The following GRHL1 variants were observed in gnomAD, a reference collection of about 807,000 sequenced individuals.
GRHL1 encodes the protein grainyhead like transcription factor 1, also known as grainyhead-like protein 1 homolog.
GRHL1 carries 38 observed loss-of-function variants against 75.7 expected under a neutral mutation model. The ratio of observed to expected loss-of-function variants is 0.50; its 90% CI spans 0.39 to 0.66. The LOEUF is 0.66. Ranked by LOEUF, GRHL1 falls within the 30% of genes least tolerant of loss-of-function variation. The pLI is 0.00. For synonymous variants in GRHL1, 266 were observed against 279.4 expected (o/e 0.95, Z 0.48); for missense variants, 589 against 767.5 (o/e 0.77, Z 2.75).
At chr2:9,955,958 C>T (rs1171233726) in intron 2 of GRHL1, among the ~76,000 whole-genome samples, 1 of 152,152 alleles carries the variant, frequency 6.6e-6, no homozygotes, top group Non-Finnish European at 1.5e-5. Context: ...GCCACAGGGC[C>T]TTTGTCTCAT....
At chr2:9,967,177 T>C (rs1361013242) in intron 8 of GRHL1, among the ~76,000 whole-genome samples, 1 of 152,246 alleles carries the variant, frequency 6.6e-6, no homozygotes. Context: ...TTCCAACTTA[T>C]CCATGACCTT....
chr2:9,952,528 G>T (rs1181816666), intron 1 of GRHL1, among the ~76,000 whole-genome samples: 1 of 152,202 alleles, frequency 6.6e-6, no homozygotes, highest in East Asian at 1.9e-4. Context: ...TTGAAATCCG[G>T]GTGTTAAACG....
At chr2:9,974,226 A>G (rs6730919) in intron 8 of GRHL1, among the ~76,000 whole-genome samples, 25,870 of 152,158 alleles carry the variant, frequency 0.17, 2,807 homozygotes, top group African/African-American at 0.31. Flanking sequence ...CTGAGGCTCA[A>G]TCACAGCTTG....
intron 8 of GRHL1, among the ~76,000 whole-genome samples, chr2:9,966,994 A>T (rs10199382): frequency 6.2e-4 from 94 of 152,202 alleles, no homozygotes; most frequent in African/African-American, 2.0e-3. Flanking sequence ...AAATATCATA[A>T]TAGGACTCAG....
At chr2:9,952,859 T>C (rs1666850738) in intron 1 of GRHL1, 2 of 338,708 alleles carry the variant, frequency 5.9e-6, no homozygotes, top group Admixed American at 3.9e-5. Context: ...CTGGATGAGA[T>C]AGATATTTTG....
At chr2:9,985,381 G>A (rs996413410) in intron 8 of GRHL1, among the ~76,000 whole-genome samples, 1 of 152,130 alleles carries the variant, frequency 6.6e-6, no homozygotes, top group Non-Finnish European at 1.5e-5. Flanking sequence ...ATTAACAAAC[G>A]TTACCACTTT....
In GRHL1 at chr2:9,963,927, G is replaced by C; in HGVS notation, c.788G>C (p.Arg263Pro). The C allele has an allele frequency of 6.2e-7, 1 of 1,613,754 alleles. No individual in the cohort carries two copies. Among genetic ancestry groups the C allele is most frequent in the Non-Finnish European group, 8.5e-7 (1 of 1,179,786 alleles). Reference protein sequence around the residue: ...EYTLEASKSLRQKPGDSTMTY... With the variant: ...EYTLEASKSLPQKPGDSTMTY... ...ACCCTAGAAGCTTCAAAATCACTTCGACAGAAGCCAGGAGACAGTACCATG... is the reference window on the plus strand; with the variant it reads ...ACCCTAGAAGCTTCAAAATCACTTCCACAGAAGCCAGGAGACAGTACCATG... Residue 263 changes from arginine to proline, a missense_variant, in exon 6 of 16, where the codon CGA (arginine) becomes CCA (proline). By Grantham distance (103) the Arg-to-Pro change is moderately radical. This residue lies in a region of GRHL1 where 362 missense variants were observed against 461.8 expected (regional missense o/e 0.78). Transcript: ENST00000324907.
In GRHL1 at chr2:9,965,307, A is replaced by G; in HGVS notation, c.1036A>G (p.Asn346Asp). The change falls in exon 8 of 16, where the codon AAC becomes GAC. Residue 346 changes from asparagine (N) to aspartate (D), a missense_variant. Physicochemically the swap from Asn to Asp is conservative, Grantham distance 23. Around this residue, in one of 5 missense-constraint regions of GRHL1, gnomAD observed 362 missense variants for 461.8 expected, o/e 0.78. Transcript: ENST00000324907. ...IDIADYKESF[N>D]TISNIEEIAY... Reference sequence around the variant, plus strand: ...TGTAGCTGACTATAAAGAAAGCTTCAACACTATCAGTAACATCGAGGAGAT... The same window carrying G: ...TGTAGCTGACTATAAAGAAAGCTTCGACACTATCAGTAACATCGAGGAGAT... The G allele has an allele frequency of 6.2e-7, 1 of 1,607,340 alleles. No individual in the cohort carries two copies. The highest frequency in any genetic ancestry group is 8.5e-7 in the Non-Finnish European group (1 of 1,173,770).
At chr2:9,952,999 C>T (rs1384437119) in intron 1 of GRHL1, 1 of 456,728 alleles carries the variant, frequency 2.2e-6, no homozygotes, top group Admixed American at 2.3e-5. Flanking sequence ...TGATGATGAG[C>T]CTTCGGCGAC....
chr2:9,972,256 G>A (rs1667758451), intron 8 of GRHL1, among the ~76,000 whole-genome samples: 1 of 142,912 alleles, frequency 7.0e-6, no homozygotes, highest in Non-Finnish European at 1.5e-5. Context: ...AGAAACAATT[G>A]ACTCCTCTAT....
intron 1 of GRHL1, among the ~76,000 whole-genome samples, chr2:9,952,235 C>G (rs1214097009): frequency 1.3e-5 from 2 of 152,132 alleles, no homozygotes; most frequent in Non-Finnish European, 2.9e-5. Flanking sequence ...CCTCTCCTGC[C>G]CGGTCGGCCT....
rs762542738 is a variant in GRHL1 at position 9,992,141 on chromosome 2, A to G, written c.1456A>G (p.Thr486Ala). 1.2e-6 allele frequency: 2 copies of G among 1,612,016 alleles called. No individual in the cohort carries two copies. Among genetic ancestry groups the G allele is most frequent in the Non-Finnish European group, 1.7e-6 (2 of 1,179,402 alleles). Residue 486 changes from threonine (T) to alanine (A), a missense_variant, in exon 11 of 16, where the codon ACT becomes GCT. This residue lies in a region of GRHL1 where 192 missense variants were observed against 226.6 expected (regional missense o/e 0.85). Coordinates refer to ENST00000324907, the MANE Select transcript of GRHL1 (RefSeq NM_198182.3). This position sits in a 1 kb window ranked among gnomAD's most constrained non-coding sequence, Gnocchi z 4.6. ...GCACTTTGCCAACTTGCAGCGGGGCACTCATGTAGGTAACCAGGATCCCAG... is the reference window on the plus strand; with the variant it reads ...GCACTTTGCCAACTTGCAGCGGGGCGCTCATGTAGGTAACCAGGATCCCAG... ...DVHFANLQRG[T>A]HVLPIASEEL...
chr2:9,973,960 G>A (rs1353827478), intron 8 of GRHL1, among the ~76,000 whole-genome samples: 6 of 152,212 alleles, frequency 3.9e-5, no homozygotes, highest in Admixed American at 6.5e-5. Context: ...GGTTCGAAAT[G>A]TAGAGACCTT....
chr2:9,979,151 C>CAA lies in GRHL1; in HGVS notation c.1111-6958_1111-6957dup, dbSNP rs1227015836. On this transcript the variant is annotated intron_variant, in intron 8 of 15. Transcript: ENST00000324907. ...TTCCAGCCTGGGCAAGACTCTCTCT[C>CAA]AAAAAAAAAAAAAAAAGGAAACCTT... Among the ~76,000 whole-genome samples the CAA allele has an allele frequency of 7.5e-3, 453 of 60,364 alleles. 23 individuals are homozygous for CAA. The highest frequency in any genetic ancestry group is 0.029 in the African/African-American group (414 of 14,148). 39.6% of individuals were successfully genotyped at this position (60,364 alleles called of 152,430 possible). A position where few individuals can be genotyped will look rare whatever the true frequency, so the allele number is the denominator to read the frequency against.
chr2:9,967,084 G>T (rs1388330882), intron 8 of GRHL1, among the ~76,000 whole-genome samples: 1 of 152,240 alleles, frequency 6.6e-6, no homozygotes, highest in Non-Finnish European at 1.5e-5. Flanking sequence ...GCAAACTGGA[G>T]TGTTACTTGC....
At position 9,953,777 on chromosome 2, in the gene GRHL1, G is replaced by C. The variant is rs573168695; in HGVS notation, c.21-1138G>C. 5.3e-5 allele frequency among the ~76,000 whole-genome samples: 8 copies of C among 152,220 alleles called. No individual in the cohort carries two copies. In the South Asian group the frequency reaches 1.0e-3, roughly 20 times the overall value. Reference sequence around the variant, plus strand: ...TCTTTCTACATTCACTTTTAAAATAGGCAGGTCACCTTTAGGCCATTTACA... The same window carrying C: ...TCTTTCTACATTCACTTTTAAAATACGCAGGTCACCTTTAGGCCATTTACA... On this transcript the variant is annotated intron_variant, in intron 1 of 15. Coordinates refer to ENST00000324907, the MANE Select transcript of GRHL1 (RefSeq NM_198182.3).
At position 9,965,031 on chromosome 2, in the gene GRHL1, T is replaced by C. The variant is rs939366800; in HGVS notation, c.1016-256T>C. The stretch of plus-strand genomic sequence containing the variant: ...TAGTTTTGTGACCTTGGGACTGTTA[T>C]TTAAACTTTTTAGACTTAAATTTCC... On this transcript the variant is annotated intron_variant, in intron 7 of 15. Coordinates refer to ENST00000324907, the MANE Select transcript of GRHL1 (RefSeq NM_198182.3). 1.3e-5 allele frequency: 5 copies of C among 391,338 alleles called. No individual in the cohort carries two copies. In the South Asian group the frequency reaches 1.9e-4, roughly 15 times the overall value. The allele number at this position is 391,338 out of a possible 1,614,324, so 24.2% of individuals were successfully genotyped here.
intron 12 of GRHL1, among the ~76,000 whole-genome samples, chr2:9,994,652 G>A (rs969189092): frequency 2.0e-5 from 3 of 152,080 alleles, no homozygotes; most frequent in Non-Finnish European, 2.9e-5. Flanking sequence ...GCTGCTGTGT[G>A]TTAGGAACTG....
intron 14 of GRHL1, among the ~76,000 whole-genome samples, chr2:9,998,241 T>C (rs1668959230): frequency 6.6e-6 from 1 of 151,938 alleles, no homozygotes; most frequent in African/African-American, 2.4e-5. Context: ...TCACCCATTC[T>C]CTTTAAAAAT....
Sources: allele counts gnomAD v4.1 joint callset (sites outside exome capture counted in the v4.1 genomes callset), GRCh38; gene constraint gnomAD v4.1.1; regional missense constraint gnomAD v4.1.1; non-coding constraint Gnocchi (gnomAD v3.1); transcripts MANE v1.5; gene names NCBI Gene and HGNC (gene_info 2026-07-23, HGNC 2026-07-21).